Variants in KIAA1549L observed in about 807,000 individuals in gnomAD.
KIAA1549L encodes UPF0606 protein KIAA1549L.
Under a neutral mutation model 160.7 loss-of-function variants are expected in KIAA1549L, and 88 were observed. That is an observed-to-expected ratio of 0.55 (90% CI 0.46 to 0.65). The LOEUF is 0.65. KIAA1549L is among the 30% of genes least tolerant of loss of function. KIAA1549L has a pLI of 0.00. For missense variants in KIAA1549L, 2,258 were observed against 2,437.5 expected (o/e 0.93, Z 1.55); for synonymous variants, 950 against 976.7 (o/e 0.97, Z 0.51).
At chr11:33,579,497 TTTC>T (rs1281992872) in intron 10 of KIAA1549L, among the ~76,000 whole-genome samples, 4 of 152,180 alleles carry the variant, frequency 2.6e-5, no homozygotes, top group Non-Finnish European at 5.9e-5. Flanking sequence ...TCAAATCTCC[TTTC>T]TTCTTCATTT....
At chr11:33,634,903 T>C in intron 16 of KIAA1549L, among the ~76,000 whole-genome samples, 1 of 152,184 alleles carries the variant, frequency 6.6e-6, no homozygotes, top group Non-Finnish European at 1.5e-5. Flanking sequence ...AGATCATCCT[T>C]TGGAAGGGCC....
At chr11:33,528,240 TAA>T (rs1354015996) in intron 1 of KIAA1549L, among the ~76,000 whole-genome samples, 1 of 152,170 alleles carries the variant, frequency 6.6e-6, no homozygotes. Flanking sequence ...TCAAGATCAC[TAA>T]TTATCAGAGA....
intron 4 of KIAA1549L, among the ~76,000 whole-genome samples, chr11:33,548,604 G>A (rs1854344987): frequency 6.6e-6 from 1 of 152,144 alleles, no homozygotes; most frequent in South Asian, 2.1e-4. Flanking sequence ...AATCGAGTCC[G>A]ACTTTGCTTA....
In KIAA1549L at chr11:33,382,884, A is replaced by C. The variant is rs143078307; in HGVS notation, c.238+5995A>C. Among the ~76,000 whole-genome samples the C allele has an allele frequency of 4.6e-4, 70 of 152,186 alleles. 1 individual carries two copies. In the East Asian group the frequency reaches 9.9e-3, roughly 21 times the overall value. Reference sequence around the variant, plus strand: ...CTGAAGGGCTCTGAGGGGCTGGGATACTGCAGCATTTGGGGGTTCAGGGAG... The same window carrying C: ...CTGAAGGGCTCTGAGGGGCTGGGATCCTGCAGCATTTGGGGGTTCAGGGAG... On this transcript the variant is annotated intron_variant, in intron 1 of 20. Transcript: ENST00000658780.
chr11:33,658,784 G>C lies in KIAA1549L; in HGVS notation c.5893G>C (p.Ala1965Pro). 1 of 1,570,422 alleles carries C rather than the reference G, an allele frequency of 6.4e-7. No homozygotes were observed. Among genetic ancestry groups the C allele is most frequent in the Non-Finnish European group, 8.6e-7 (1 of 1,158,768 alleles). The change falls in exon 19 of 21, where the codon GCC (alanine) becomes CCC (proline). Residue 1965 changes from alanine to proline, a missense_variant. Coordinates refer to ENST00000658780, the MANE Select transcript of KIAA1549L (RefSeq NM_012194.3). ...AGACATCGGCAGCAAGACCAGAATG[G>C]CCGAGTCTACAGGGCCCGAGCCGGC... ...TSDIGSKTRMAESTGPEPAQL... is the reference protein window; with the variant it reads ...TSDIGSKTRMPESTGPEPAQL...
intron 1 of KIAA1549L, among the ~76,000 whole-genome samples, chr11:33,447,426 TA>T (rs1468213170): frequency 6.6e-6 from 1 of 152,022 alleles, no homozygotes; most frequent in Non-Finnish European, 1.5e-5. Flanking sequence ...ATTTACTCTC[TA>T]AAAAACCTTT....
chr11:33,569,220 T>A (rs1464641203), intron 9 of KIAA1549L, among the ~76,000 whole-genome samples: 1 of 152,190 alleles, frequency 6.6e-6, no homozygotes, highest in Non-Finnish European at 1.5e-5. Context: ...AGCCAGTTCC[T>A]GCAAGAATGG....
intron 1 of KIAA1549L, 34 bp from the exon 2 acceptor site, chr11:33,541,768 C>A: frequency 4.1e-6 from 1 of 245,140 alleles, no homozygotes; most frequent in African/African-American, 2.2e-5. Flanking sequence ...TCATGAGCAT[C>A]CAACACCTGA....
chr11:33,386,549 G>A (rs1049875445), intron 1 of KIAA1549L, among the ~76,000 whole-genome samples: 3 of 152,116 alleles, frequency 2.0e-5, no homozygotes, highest in African/African-American at 7.2e-5. Context: ...TGGGTATGGT[G>A]GTGGGTGCCT....
intron 16 of KIAA1549L, among the ~76,000 whole-genome samples, chr11:33,621,600 T>C (rs1850959689): frequency 6.6e-6 from 1 of 152,176 alleles, no homozygotes; most frequent in South Asian, 2.1e-4. Context: ...TATTTCAAAG[T>C]ATTTTTAAAA....
intron 1 of KIAA1549L, among the ~76,000 whole-genome samples, chr11:33,447,541 C>T (rs1321909431): frequency 7.2e-6 from 1 of 139,502 alleles, no homozygotes; most frequent in African/African-American, 2.7e-5. Context: ...CATCTATCCA[C>T]CCATGCGTGC....
chr11:33,531,764 C>T (rs1403044484), intron 1 of KIAA1549L, among the ~76,000 whole-genome samples: 1 of 152,086 alleles, frequency 6.6e-6, no homozygotes, highest in Non-Finnish European at 1.5e-5. Flanking sequence ...CACTTAGGGC[C>T]GTGGAAGGGT....
chr11:33,654,729 C>T (rs1852005323), intron 17 of KIAA1549L, among the ~76,000 whole-genome samples: 1 of 152,184 alleles, frequency 6.6e-6, no homozygotes, highest in Non-Finnish European at 1.5e-5. Context: ...CCTCTGGTTT[C>T]AGCTCATGGT....
intron 1 of KIAA1549L, among the ~76,000 whole-genome samples, chr11:33,431,468 C>G (rs534288633): frequency 6.6e-6 from 1 of 152,114 alleles, no homozygotes; most frequent in African/African-American, 2.4e-5. Flanking sequence ...TACAGCGTAT[C>G]GACACAAAGG....
intron 1 of KIAA1549L, among the ~76,000 whole-genome samples, chr11:33,419,245 T>C (rs1273526027): frequency 1.3e-5 from 2 of 152,186 alleles, no homozygotes; most frequent in East Asian, 3.9e-4. Flanking sequence ...ACCAAAAAAA[T>C]GATTTTCTCT....
rs906980544 is a variant in KIAA1549L, at chr11:33,548,995, T to C, written c.3501+1116T>C. ...TGCATTATATGAGAGGCTTTTATGATTTCTGCACCAGAAACTTTATGGGAA... is the reference window on the plus strand; with the variant it reads ...TGCATTATATGAGAGGCTTTTATGACTTCTGCACCAGAAACTTTATGGGAA... On this transcript the variant is annotated intron_variant, in intron 4 of 20. Transcript: ENST00000658780. Among the ~76,000 whole-genome samples the C allele has an allele frequency of 3.3e-4, 50 of 152,248 alleles. 1 individual carries two copies. Among genetic ancestry groups the C allele is most frequent in the Non-Finnish European group, 2.9e-5 (2 of 68,048 alleles).
intron 1 of KIAA1549L, among the ~76,000 whole-genome samples, chr11:33,469,968 GT>G (rs1852143938): frequency 6.6e-6 from 1 of 152,108 alleles, no homozygotes; most frequent in Non-Finnish European, 1.5e-5. Flanking sequence ...CATTCTGTGG[GT>G]TTTACTTTCT....
Position 33,628,224 on chromosome 11 carries a change from A to G in KIAA1549L, c.5409+9562A>G, listed in dbSNP as rs937583815. Among the ~76,000 whole-genome samples the G allele has an allele frequency of 4.6e-3, 706 of 152,266 alleles. 1 individual carries two copies. The highest frequency in any genetic ancestry group is 7.0e-3 in the Non-Finnish European group (479 of 68,038). On this transcript the variant is annotated intron_variant, in intron 16 of 20. Coordinates refer to ENST00000658780, the MANE Select transcript of KIAA1549L (RefSeq NM_012194.3). ...TTCCAAGTTTGTGGTCAATTTTGGA[A>G]TAGGTGTGGTGTGGTGGTGAAAAAA...
chr11:33,569,663 C>G (rs112542075), intron 9 of KIAA1549L, among the ~76,000 whole-genome samples: 1 of 152,284 alleles, frequency 6.6e-6, no homozygotes, highest in Non-Finnish European at 1.5e-5. Context: ...TCCCTCCATT[C>G]GCAGTTGGTG....
Sources: gnomAD v4.1 joint callset for allele counts (sites outside exome capture counted in the v4.1 genomes callset) on GRCh38, gnomAD v4.1.1 for gene constraint, MANE v1.5 for transcripts, NCBI Gene and HGNC (gene_info 2026-07-23, HGNC 2026-07-21) for gene names.